Variants in LIMCH1 observed in about 807,000 individuals in gnomAD.
The protein encoded by LIMCH1 is LIM and calponin homology domains 1, also known as LIM and calponin homology domains-containing protein 1.
A neutral mutation model predicts 176.5 loss-of-function variants in LIMCH1; 113 were observed. The ratio of observed to expected loss-of-function variants is 0.64; its 90% CI spans 0.55 to 0.75. The LOEUF (loss-of-function observed/expected upper bound fraction) is 0.75. LIMCH1 is among the 30% of genes least tolerant of loss of function. The pLI is 0.00. For missense variants in LIMCH1, 1,674 were observed against 1,814.9 expected, an observed-to-expected ratio of 0.92 and a Z score of 1.41; for synonymous variants, 619 against 645.9, an observed-to-expected ratio of 0.96 and a Z score of 0.63.
At chr4:41,693,918 C>T (rs1264710068) in intron 31 of LIMCH1, among the ~76,000 whole-genome samples, 1 of 152,066 alleles carries the variant, frequency 6.6e-6, no homozygotes, top group Non-Finnish European at 1.5e-5. Flanking sequence ...ACCTGAACCC[C>T]CCTCTGGGTG....
rs551325469 is a variant in LIMCH1 at position 41,521,520 on chromosome 4, A to G, written c.168-2889A>G. Among the ~76,000 whole-genome samples the G allele has an allele frequency of 2.6e-5, 4 of 152,314 alleles. No homozygotes were observed. The East Asian group carries it at 7.7e-4, about 29-fold the overall frequency. On this transcript the variant is annotated intron_variant, in intron 2 of 26. Transcript: ENST00000313860. ...GTGGTTTTTAATAAAATTGCAAGTGAATATCCTTGACTCTTACTCAAAAAA... is the reference window on the plus strand; with the variant it reads ...GTGGTTTTTAATAAAATTGCAAGTGGATATCCTTGACTCTTACTCAAAAAA...
At chr4:41,664,870 T>G (rs2152990633) in intron 20 of LIMCH1, among the ~76,000 whole-genome samples, 1 of 152,318 alleles carries the variant, frequency 6.6e-6, no homozygotes, top group Admixed American at 6.5e-5. Context: ...TTTGGTCATC[T>G]GGTAAACATT....
In LIMCH1 at chr4:41,530,148, T is replaced by C. The variant is rs77716219; in HGVS notation, c.237+5670T>C. 2.7e-3 allele frequency among the ~76,000 whole-genome samples: 416 copies of C among 152,244 alleles called. 4 individuals carry two copies. The highest frequency in any genetic ancestry group is 9.5e-3 in the African/African-American group (396 of 41,538). On this transcript the variant is annotated intron_variant, in intron 3 of 26. Transcript: ENST00000313860. ...TCGAGTGAGATCAGAGTAGGGGAAG[T>C]GATGAAAGAGCTGTAGTGATTTCCA... is the stretch of plus-strand genomic sequence containing the variant.
intron 1 of LIMCH1, among the ~76,000 whole-genome samples, chr4:41,383,313 G>T (rs140453823): frequency 0.013 from 2,018 of 152,232 alleles, 38 homozygotes; most frequent in African/African-American, 0.045. Context: ...AGATAAACAG[G>T]CAATTACTGT....
chr4:41,598,890 A>G (rs747625415), intron 1 of LIMCH1, 30 bp from the exon 2 acceptor site: 4 of 1,407,136 alleles, frequency 2.8e-6, no homozygotes, highest in East Asian at 2.3e-5. Context: ...CTAAGATAAT[A>G]TAGACTTATA....
chr4:41,487,751 T>G (rs576571036), intron 1 of LIMCH1, among the ~76,000 whole-genome samples: 1 of 143,726 alleles, frequency 7.0e-6, no homozygotes, highest in Non-Finnish European at 1.5e-5. Flanking sequence ...CTCCACCTCC[T>G]GGGTTCACGC....
At chr4:41,498,032 G>A (rs746557616) in intron 2 of LIMCH1, among the ~76,000 whole-genome samples, 5 of 152,146 alleles carry the variant, frequency 3.3e-5, no homozygotes, top group Non-Finnish European at 5.9e-5. Context: ...ACTGCATGTG[G>A]TTGGTGGTCT....
At chr4:41,435,178 A>G (rs1429142009) in intron 1 of LIMCH1, among the ~76,000 whole-genome samples, 2 of 152,216 alleles carry the variant, frequency 1.3e-5, no homozygotes, top group Admixed American at 6.5e-5. Context: ...AGATTATCCA[A>G]TGTTATCCCA....
chr4:41,614,667 T>C (rs558430492), intron 5 of LIMCH1, among the ~76,000 whole-genome samples: 1 of 152,320 alleles, frequency 6.6e-6, no homozygotes, highest in East Asian at 1.9e-4. Context: ...GTACACAGTA[T>C]CTCATTTAGT....
At chr4:41,369,555 T>C (rs2053628858) in intron 1 of LIMCH1, among the ~76,000 whole-genome samples, 1 of 152,226 alleles carries the variant, frequency 6.6e-6, no homozygotes, top group Non-Finnish European at 1.5e-5. Context: ...TAAACCCGAC[T>C]GCCTCTGCAG....
At position 41,671,592 on chromosome 4, in the gene LIMCH1, C is replaced by T. The variant is rs149571949; in HGVS notation, c.3436C>T (p.Pro1146Ser). The T allele has an allele frequency of 1.5e-3, 2,362 of 1,578,332 alleles. 28 individuals carry two copies. The East Asian group carries it at 0.024, about 16-fold the overall frequency. ...CAGTGAGAAGTCACCTGTTATGACACCTGTAAGTCACTCATTTTAAGGAAT... is the reference window on the plus strand; with the variant it reads ...CAGTGAGAAGTCACCTGTTATGACATCTGTAAGTCACTCATTTTAAGGAAT... ...PSSEKSPVMT[P>S]FKFWAWDPEE... Residue 1146 changes from proline to serine, a missense_variant and splice_region_variant, in exon 22 of 32, where the codon CCT becomes TCT. Transcript: ENST00000503057.
chr4:41,504,576 G>A (rs2073893629), intron 2 of LIMCH1, among the ~76,000 whole-genome samples: 1 of 152,164 alleles, frequency 6.6e-6, no homozygotes, highest in African/African-American at 2.4e-5. Flanking sequence ...ATGCTCCCTG[G>A]CAATGGCAGT....
At chr4:41,535,178 A>AG (rs1458008523), upstream of LIMCH1, among the ~76,000 whole-genome samples, 14 of 151,104 alleles carry the variant, frequency 9.3e-5, no homozygotes, top group African/African-American at 2.7e-4. Context: ...AAAAAAAAAA[A>AG]AAAAAAGAAA....
intron 5 of LIMCH1, 60 bp from the exon 6 acceptor site, chr4:41,619,128 A>T (rs922664081): frequency 6.3e-7 from 1 of 1,590,482 alleles, no homozygotes; most frequent in Non-Finnish European, 8.6e-7. Context: ...TGCATGCTTA[A>T]CATTGGGAAC....
intron 1 of LIMCH1, among the ~76,000 whole-genome samples, chr4:41,546,912 C>G (rs962211665): frequency 2.0e-5 from 3 of 152,080 alleles, no homozygotes; most frequent in South Asian, 4.1e-4. Context: ...ACAGAGAGAG[C>G]TAGTTCCCTG....
intron 2 of LIMCH1, among the ~76,000 whole-genome samples, chr4:41,517,163 G>A (rs906824602): frequency 3.3e-5 from 5 of 152,176 alleles, no homozygotes; most frequent in African/African-American, 9.7e-5. Flanking sequence ...ACTTCCGGGT[G>A]TCAACATCTA....
intron 10 of LIMCH1, among the ~76,000 whole-genome samples, 184 bp downstream of exon 10, chr4:41,631,661 C>A (rs983509935): frequency 1.3e-5 from 2 of 152,208 alleles, no homozygotes; most frequent in Non-Finnish European, 2.9e-5. Context: ...AAATGGCAGG[C>A]ATCCATTTTG....
chr4:41,683,324 G>A (rs1038593834), intron 26 of LIMCH1, among the ~76,000 whole-genome samples: 1 of 152,062 alleles, frequency 6.6e-6, no homozygotes, highest in African/African-American at 2.4e-5. Context: ...CCCCTGGAGC[G>A]CTCAAAACTA....
At chr4:41,456,632 G>C (rs2064641233) in intron 1 of LIMCH1, among the ~76,000 whole-genome samples, 1 of 152,168 alleles carries the variant, frequency 6.6e-6, no homozygotes, top group Non-Finnish European at 1.5e-5. Flanking sequence ...TTAGGTTGGT[G>C]CAAAATAATT....
Sources: gnomAD v4.1 joint callset for allele counts (sites outside exome capture counted in the v4.1 genomes callset) on GRCh38, gnomAD v4.1.1 for gene constraint, MANE v1.5 for transcripts, NCBI Gene and HGNC (gene_info 2026-07-23, HGNC 2026-07-21) for gene names.